The following ARCN1 variants were observed in gnomAD, a reference collection of about 807,000 sequenced individuals.
ARCN1 encodes the protein coatomer subunit delta.
Under a neutral mutation model 60.4 loss-of-function variants are expected in ARCN1, and 5 were observed. The ratio of observed to expected loss-of-function variants is 0.08; its 90% confidence interval spans 0.04 to 0.17. The LOEUF is 0.17. ARCN1 is among the 10% of genes least tolerant of loss of function. The pLI, the probability that ARCN1 is intolerant of heterozygous loss-of-function variation, is 1.00. For missense variants in ARCN1, 464 were observed against 626.5 expected (o/e 0.74, Z 2.77); for synonymous variants, 224 against 220.0 (o/e 1.02, Z -0.16).
At chr11:118,597,935 T>C (rs1555077476) in intron 9 of ARCN1, 24 bp downstream of exon 9, 1 of 1,611,800 alleles carries the variant, frequency 6.2e-7, no homozygotes, top group South Asian at 1.1e-5. Context: ...GTTGAGAACA[T>C]ATATAGGGAA....
chr11:118,586,205 C>T (rs1031823629), intron 5 of ARCN1, among the ~76,000 whole-genome samples: 39 of 152,166 alleles, frequency 2.6e-4, no homozygotes, highest in African/African-American at 8.7e-4. Flanking sequence ...AAGCAATTCT[C>T]CTGCCTCAGC....
chr11:118,599,933 AC>A lies in ARCN1; in HGVS notation c.1447-688del, dbSNP rs373493700. Among the ~76,000 whole-genome samples, 885 of 152,214 alleles carry A rather than the reference AC, an allele frequency of 5.8e-3. 11 individuals carry two copies. Among genetic ancestry groups the A allele is most frequent in the African/African-American group, 0.019 (790 of 41,514 alleles). ...CTCTCCCTATCCTGTTAGTGACATA[AC>A]CCCATCAGTGTTGGAAGCAACTGTA... is the stretch of plus-strand genomic sequence containing the variant. On this transcript the variant is annotated intron_variant, in intron 9 of 9. Transcript: ENST00000264028.
intron 1 of ARCN1, among the ~76,000 whole-genome samples, chr11:118,579,073 C>CTTGTAAGG (rs1938591848): frequency 6.6e-6 from 1 of 151,690 alleles, no homozygotes; most frequent in Admixed American, 6.6e-5. Context: ...CTCATAATAG[C>CTTGTAAGG]TTGTAAGGTC....
At position 118,584,136 on chromosome 11, in the gene ARCN1, G is replaced by A. The variant is rs1938723526; in HGVS notation, c.653+122G>A. The A allele has an allele frequency of 7.1e-6, 7 of 980,680 alleles. No homozygotes were observed. In the South Asian group the frequency reaches 1.0e-4, roughly 14 times the overall value. The allele number at this position is 980,680 out of a possible 1,614,324, so 60.7% of individuals were successfully genotyped here. A position where few individuals can be genotyped will look rare whatever the true frequency, so the allele number is the denominator to read the frequency against. On this transcript the variant is annotated intron_variant, in intron 4 of 9. Transcript: ENST00000264028. ...AGGACTTGATGAAGTAAGATATGATGTTACATTTGGCCACATACAATATGA... is the reference window on the plus strand; with the variant it reads ...AGGACTTGATGAAGTAAGATATGATATTACATTTGGCCACATACAATATGA...
chr11:118,579,751 T>C (rs547518146), intron 1 of ARCN1, among the ~76,000 whole-genome samples: 34 of 152,198 alleles, frequency 2.2e-4, no homozygotes, highest in African/African-American at 6.3e-4. Flanking sequence ...AATTCACTTA[T>C]ATGTATATGT....
chr11:118,590,295 A>T, intron 5 of ARCN1, 46 bp from the exon 6 acceptor site: 1 of 1,558,178 alleles, frequency 6.4e-7, no homozygotes, highest in East Asian at 2.3e-5. Context: ...ACGCCCGGCC[A>T]TTGGTTTCTA....
rs1012655791 is a variant in ARCN1, at chr11:118,578,874, C to T, written c.4-2372C>T. Among the ~76,000 whole-genome samples the T allele has an allele frequency of 2.3e-4, 19 of 83,452 alleles. 2 individuals carry two copies. The highest frequency in any genetic ancestry group is 2.5e-4 in the Non-Finnish European group (11 of 43,826). 54.7% of individuals were successfully genotyped at this position (83,452 alleles called of 152,430 possible). Reference sequence around the variant, plus strand: ...GGCAACATGGCAAAACCCCGTCTCTCTTTTTTTTTTTTTTTTTTTTTTTTT... The same window carrying T: ...GGCAACATGGCAAAACCCCGTCTCTTTTTTTTTTTTTTTTTTTTTTTTTTT... On this transcript the variant is annotated intron_variant, in intron 1 of 9. Coordinates refer to ENST00000264028, the MANE Select transcript of ARCN1 (RefSeq NM_001655.5).
chr11:118,597,528 T>C (rs1387681115), intron 8 of ARCN1, among the ~76,000 whole-genome samples, 179 bp from the exon 9 acceptor site: 1 of 151,492 alleles, frequency 6.6e-6, no homozygotes, highest in African/African-American at 2.4e-5. Flanking sequence ...AGTGAAACTC[T>C]TAGCCCAAGG....
At chr11:118,592,989 T>C in intron 7 of ARCN1, 133 bp downstream of exon 7, 3 of 855,488 alleles carry the variant, frequency 3.5e-6, no homozygotes, top group Non-Finnish European at 3.5e-6. Flanking sequence ...GAAATGGACC[T>C]GGTGCTGCAT....
chr11:118,590,568 AC>A, intron 6 of ARCN1, 62 bp downstream of exon 6: 1 of 1,539,500 alleles, frequency 6.5e-7, no homozygotes, highest in Non-Finnish European at 8.9e-7. Flanking sequence ...GTCTTTCTCA[AC>A]TAGAGTTCCC....
At chr11:118,589,542 A>C (rs1339427881) in intron 5 of ARCN1, among the ~76,000 whole-genome samples, 2 of 151,870 alleles carry the variant, frequency 1.3e-5, no homozygotes, top group Admixed American at 6.6e-5. Context: ...TCATTCTCCC[A>C]CCTCAGCCTC....
Position 118,590,564 on chromosome 11 carries a change from C to G in ARCN1, c.984+58C>G, listed in dbSNP as rs1244948591. The G allele has an allele frequency of 3.9e-6, 6 of 1,555,202 alleles. No homozygotes were observed. In the African/African-American group the frequency reaches 4.1e-5, roughly 11 times the overall value. On this transcript the variant is annotated intron_variant, in intron 6 of 9. Transcript: ENST00000264028. ...ACTTTGTCTACCTATTATAGTCTTT[C>G]TCAACTAGAGTTCCCAATATGAACC...
At chr11:118,579,811 A>G (rs1938611348) in intron 1 of ARCN1, among the ~76,000 whole-genome samples, 1 of 152,028 alleles carries the variant, frequency 6.6e-6, no homozygotes, top group Non-Finnish European at 1.5e-5. Flanking sequence ...TTCCATTTTC[A>G]TATTAATAAA....
At chr11:118,578,151 GAC>G (rs1371663007) in intron 1 of ARCN1, among the ~76,000 whole-genome samples, 1 of 148,368 alleles carries the variant, frequency 6.7e-6, no homozygotes, top group Non-Finnish European at 1.5e-5. Flanking sequence ...TACAGAGTGA[GAC>G]ACTCTCTCAA....
intron 9 of ARCN1, 25 bp downstream of exon 9, chr11:118,597,936 A>G: frequency 6.2e-7 from 1 of 1,611,728 alleles, no homozygotes; most frequent in Non-Finnish European, 8.5e-7. Flanking sequence ...TTGAGAACAT[A>G]TATAGGGAAA....
rs1555076526 is a variant in ARCN1 at position 118,592,779 on chromosome 11, C to T, written c.1055C>T (p.Ser352Leu). Residue 352 changes from serine (S) to leucine (L), a missense_variant, in exon 7 of 10, where the codon TCA becomes TTA. Around this residue, in one of 2 missense-constraint regions of ARCN1, gnomAD observed 359 missense variants for 440.2 expected, o/e 0.82. Transcript: ENST00000264028. ...SLIGLKNPEKSFPVNSDVGVL... is the reference protein window; with the variant it reads ...SLIGLKNPEKLFPVNSDVGVL... ...ATTGGCCTGAAGAATCCAGAGAAGT[C>T]ATTTCCAGTCAACAGTGACGTAGGG... 1 of 1,614,030 alleles carries T rather than the reference C, an allele frequency of 6.2e-7. No individual in the cohort carries two copies. Among genetic ancestry groups the T allele is most frequent in the Admixed American group, 1.7e-5 (1 of 60,016 alleles).
Position 118,572,429 on chromosome 11 carries a change from G to C in ARCN1, c.-119G>C. On this transcript the variant is annotated 5_prime_UTR_variant, in exon 1 of 10. Transcript: ENST00000264028. ...CCGCCATCTTGGCAAGAGGCGAAGC[G>C]GCAGCGGTTCCTGTCAAGGGGGCAG... 9.6e-7 allele frequency: 1 copy of C among 1,042,628 alleles called. No homozygotes were observed. The highest frequency in any genetic ancestry group is 1.9e-5 in the South Asian group (1 of 51,610). The allele number at this position is 1,042,628 out of a possible 1,614,324, so 64.6% of individuals were successfully genotyped here.
At position 118,584,007 on chromosome 11, in the gene ARCN1, C is replaced by G; in HGVS notation, c.646C>G (p.Pro216Ala). ...TGATAAACCAAAAGTGGCACCTGCA[C>G]CAGCCAGGTATAATCCAGTGTACTT... ...ETDKPKVAPA[P>A]ARPSGPSKAL... Residue 216 changes from proline to alanine, a missense_variant, in exon 4 of 10, where the codon CCA (proline) becomes GCA (alanine). Transcript: ENST00000264028. 6.2e-7 allele frequency: 1 copy of G among 1,614,052 alleles called. No individual in the cohort carries two copies. The highest frequency in any genetic ancestry group is 8.5e-7 in the Non-Finnish European group (1 of 1,179,972).
chr11:118,595,880 A>G (rs1295235995), intron 8 of ARCN1, among the ~76,000 whole-genome samples: 1 of 152,166 alleles, frequency 6.6e-6, no homozygotes, highest in Non-Finnish European at 1.5e-5. Context: ...ATCTTGGCTA[A>G]CACAGTGAAA....
Sources: allele counts gnomAD v4.1 joint callset (sites outside exome capture counted in the v4.1 genomes callset), GRCh38; gene constraint gnomAD v4.1.1; regional missense constraint gnomAD v4.1.1; transcripts MANE v1.5; gene names NCBI Gene and HGNC (gene_info 2026-07-23, HGNC 2026-07-21).